RBFOX1: variants seen among roughly 807,000 people sequenced by gnomAD.
RBFOX1 encodes RNA binding protein fox-1 homolog 1.
RBFOX1 carries 8 observed loss-of-function variants against 57.7 expected under a neutral mutation model. That is an observed-to-expected ratio of 0.14 (90% confidence interval 0.08 to 0.25). RBFOX1 has a LOEUF of 0.25. Ranked by LOEUF, RBFOX1 falls within the 10% of genes least tolerant of loss-of-function variation. RBFOX1 has a pLI of 1.00. For synonymous variants in RBFOX1, 326 were observed against 222.4 expected, an observed-to-expected ratio of 1.47 and a Z score of -4.15; for missense variants, 611 against 548.5, an observed-to-expected ratio of 1.11 and a Z score of -1.14.
At chr16:5,438,054 G>C (rs1567510508) in intron 1 of RBFOX1, among the ~76,000 whole-genome samples, 1 of 152,142 alleles carries the variant, frequency 6.6e-6, no homozygotes, top group Non-Finnish European at 1.5e-5. Flanking sequence ...AGCTGAATAG[G>C]TGCTTGGGTA....
chr16:6,989,619 T>G (rs1267582920), intron 3 of RBFOX1, among the ~76,000 whole-genome samples: 1 of 152,170 alleles, frequency 6.6e-6, no homozygotes, highest in African/African-American at 2.4e-5. Context: ...GGACAGAAGT[T>G]ATCTCTGCAG....
chr16:6,991,602 T>C (rs1193662826), intron 3 of RBFOX1, among the ~76,000 whole-genome samples: 1 of 152,176 alleles, frequency 6.6e-6, no homozygotes, highest in Middle Eastern at 3.2e-3. Context: ...AGTGGTGCAA[T>C]CTCAGCTCAC....
chr16:7,530,991 A>T (rs888824378), intron 5 of RBFOX1, among the ~76,000 whole-genome samples: 2 of 152,202 alleles, frequency 1.3e-5, no homozygotes, highest in Admixed American at 1.3e-4. Flanking sequence ...CTTAGGACAG[A>T]AGTTCCACGG....
intron 4 of RBFOX1, among the ~76,000 whole-genome samples, chr16:7,215,649 G>A (rs1212995688): frequency 6.6e-6 from 1 of 151,494 alleles, no homozygotes; most frequent in Non-Finnish European, 1.5e-5. Context: ...GGGCAGATTA[G>A]CATTTCTTCC....
intron 14 of RBFOX1, among the ~76,000 whole-genome samples, chr16:7,707,093 C>A (rs1040096150): frequency 2.0e-5 from 3 of 152,176 alleles, no homozygotes; most frequent in Non-Finnish European, 4.4e-5. Flanking sequence ...AGAGAGGCAT[C>A]CCTTCAGGTC....
intron 2 of RBFOX1, among the ~76,000 whole-genome samples, chr16:5,586,266 T>A (rs570293222): frequency 8.3e-4 from 126 of 152,220 alleles, no homozygotes; most frequent in African/African-American, 2.9e-3. Context: ...GAGAATACAT[T>A]TCACTTATTT....
At chr16:6,905,193 A>T (rs1411180518) in intron 3 of RBFOX1, among the ~76,000 whole-genome samples, 1 of 151,896 alleles carries the variant, frequency 6.6e-6, no homozygotes, top group South Asian at 2.1e-4. Context: ...TTTTTTTCTC[A>T]ATAACACTTG....
At chr16:6,419,794 T>C (rs112750066) in intron 2 of RBFOX1, among the ~76,000 whole-genome samples, 39 of 152,292 alleles carry the variant, frequency 2.6e-4, no homozygotes, top group African/African-American at 9.4e-4. Context: ...AAAACTCTTA[T>C]TATCTCAGAT....
At chr16:7,229,420 C>T (rs1010517057) in intron 4 of RBFOX1, among the ~76,000 whole-genome samples, 1 of 152,014 alleles carries the variant, frequency 6.6e-6, no homozygotes, top group African/African-American at 2.4e-5. Flanking sequence ...GGCCTAGTCA[C>T]ATCTTCCTGT....
At chr16:7,398,423 A>G (rs2098178348) in intron 4 of RBFOX1, among the ~76,000 whole-genome samples, 1 of 152,228 alleles carries the variant, frequency 6.6e-6, no homozygotes, top group Non-Finnish European at 1.5e-5. Context: ...CTACAGTGTT[A>G]AAGAATCTCA....
intron 4 of RBFOX1, among the ~76,000 whole-genome samples, chr16:7,110,362 TA>T (rs915632598): frequency 1.3e-5 from 2 of 150,498 alleles, no homozygotes; most frequent in Non-Finnish European, 3.0e-5. Context: ...TCCTGACTCT[TA>T]AAAAAAAGAT....
chr16:5,630,658 C>T (rs371834049), intron 3 of RBFOX1, among the ~76,000 whole-genome samples: 5 of 152,106 alleles, frequency 3.3e-5, no homozygotes, highest in Admixed American at 6.5e-5. Context: ...CATCAACCAG[C>T]GTTTCCCAGA....
intron 3 of RBFOX1, among the ~76,000 whole-genome samples, chr16:6,705,741 G>A (rs914321312): frequency 6.6e-6 from 1 of 152,176 alleles, no homozygotes; most frequent in African/African-American, 2.4e-5. Context: ...ATTAGGGCCT[G>A]GCATGGTGGC....
chr16:6,429,105 A>T (rs1230387801), intron 2 of RBFOX1, among the ~76,000 whole-genome samples: 1 of 152,210 alleles, frequency 6.6e-6, no homozygotes, highest in Admixed American at 6.5e-5. Flanking sequence ...ATTAAGGAGC[A>T]TATTCAGTTA....
At chr16:7,156,232 A>G (rs1485690154) in intron 4 of RBFOX1, among the ~76,000 whole-genome samples, 1 of 148,840 alleles carries the variant, frequency 6.7e-6, no homozygotes, top group Non-Finnish European at 1.5e-5. Context: ...ATATATATAT[A>G]CACACACATA....
chr16:5,244,342 G>A (rs1029354491), intron 1 of RBFOX1, among the ~76,000 whole-genome samples: 4 of 152,214 alleles, frequency 2.6e-5, no homozygotes, highest in Admixed American at 6.5e-5. Context: ...GAGTGGATTT[G>A]GGTGGCATCT....
At chr16:7,192,712 A>G (rs988250601) in intron 4 of RBFOX1, among the ~76,000 whole-genome samples, 11 of 152,216 alleles carry the variant, frequency 7.2e-5, no homozygotes. Flanking sequence ...GATGTTAAAC[A>G]TTAGGAGTGA....
chr16:7,609,758 C>T (rs535198063), intron 10 of RBFOX1, among the ~76,000 whole-genome samples: 18 of 152,094 alleles, frequency 1.2e-4, no homozygotes, highest in Non-Finnish European at 2.1e-4. Flanking sequence ...AGGCTTTGAT[C>T]ATCTCAGAAA....
chr16:6,233,589 T>C (rs1334749543), intron 1 of RBFOX1, among the ~76,000 whole-genome samples: 5 of 152,182 alleles, frequency 3.3e-5, no homozygotes, highest in Non-Finnish European at 7.4e-5. Context: ...GTTCACTAAG[T>C]CTCCACACCA....
Sources: allele counts gnomAD v4.1 joint callset (sites outside exome capture counted in the v4.1 genomes callset), GRCh38; gene constraint gnomAD v4.1.1; transcripts MANE v1.5; gene names NCBI Gene and HGNC (gene_info 2026-07-23, HGNC 2026-07-21).